ADGRV1: variants seen among roughly 807,000 people sequenced by gnomAD.
ADGRV1 encodes the protein G-protein coupled receptor 98.
ADGRV1 carries 359 observed loss-of-function variants against 596.2 expected under a neutral mutation model. The observed-to-expected ratio is 0.60, with a 90% CI of 0.55 to 0.66. The LOEUF (loss-of-function observed/expected upper bound fraction) is 0.66. Among genes scored for constraint, ADGRV1 ranks in the 30% least tolerant of loss-of-function variants. The pLI, the probability that ADGRV1 is intolerant of heterozygous loss-of-function variation, is 0.00. For missense variants in ADGRV1, 7,274 were observed against 7,575.6 expected, an observed-to-expected ratio of 0.96 and a Z score of 1.48; for synonymous variants, 2,681 against 2,679.2, an observed-to-expected ratio of 1.00 and a Z score of -0.02.
chr5:91,122,990 A>G (rs774971486), intron 87 of ADGRV1, among the ~76,000 whole-genome samples: 1 of 152,100 alleles, frequency 6.6e-6, no homozygotes, highest in African/African-American at 2.4e-5. Flanking sequence ...ACAAAAATCA[A>G]TTTCCCCTGG....
In ADGRV1 at chr5:90,810,782, C is replaced by T. The variant is rs774038626; in HGVS notation, c.15522C>T (p.Asn5174=). The stretch of plus-strand genomic sequence containing the variant: ...CGACTACCATTCTGCAGCCAACCAA[C>T]GTGGTTGCCATTGTTACTGAGGCAA... ...SKTTTILQPT[N]VVAIVTEATG... is the part of the protein sequence containing the mutation. Residue 5174 remains asparagine (N), a synonymous_variant, in exon 74 of 90, where the codon AAC becomes AAT. Transcript: ENST00000405460. 28 of 1,613,788 alleles carry T rather than the reference C, an allele frequency of 1.7e-5. No individual in the cohort carries two copies. The highest frequency in any genetic ancestry group is 3.3e-5 in the Admixed American group (2 of 59,998).
At chr5:90,661,943 T>G (rs1386233643) in intron 21 of ADGRV1, among the ~76,000 whole-genome samples, 1 of 152,210 alleles carries the variant, frequency 6.6e-6, no homozygotes. Context: ...TGGATGACCT[T>G]GTCAGAAATA....
At chr5:90,578,750 T>A (rs1757568036) in intron 1 of ADGRV1, among the ~76,000 whole-genome samples, 1 of 152,222 alleles carries the variant, frequency 6.6e-6, no homozygotes. Context: ...CGTGGACTTT[T>A]TTGGTTGGTA....
At chr5:90,688,384 G>A (rs1745983472) in intron 29 of ADGRV1, among the ~76,000 whole-genome samples, 1 of 152,184 alleles carries the variant, frequency 6.6e-6, no homozygotes, top group Admixed American at 6.5e-5. Context: ...TTGAGATGGA[G>A]TCTTGCTCTG....
intron 1 of ADGRV1, among the ~76,000 whole-genome samples, chr5:90,559,461 T>C (rs1004916859): frequency 4.6e-5 from 7 of 152,272 alleles, no homozygotes; most frequent in African/African-American, 1.7e-4. Context: ...TATAGAATAA[T>C]ATGTATATGT....
At chr5:90,673,625 TG>T (rs1003244160) in intron 22 of ADGRV1, among the ~76,000 whole-genome samples, 11 of 152,102 alleles carry the variant, frequency 7.2e-5, no homozygotes, top group African/African-American at 2.4e-4. Flanking sequence ...TTCAAAGATA[TG>T]GTGCCTTCTC....
intron 83 of ADGRV1, among the ~76,000 whole-genome samples, chr5:90,874,465 A>G (rs1452650860): frequency 6.6e-6 from 1 of 151,894 alleles, no homozygotes; most frequent in Non-Finnish European, 1.5e-5. Flanking sequence ...TCCCCTTTCT[A>G]ATGGAATGTC....
In ADGRV1 at chr5:91,004,432, T is replaced by TA. The variant is rs34386974; in HGVS notation, c.18152+18923dup. 8.1e-3 allele frequency among the ~76,000 whole-genome samples: 1,184 copies of TA among 145,582 alleles called. 7 individuals are homozygous for TA. The highest frequency in any genetic ancestry group is 0.028 in the Middle Eastern group (8 of 282). Reference sequence around the variant, plus strand: ...ATTAGATTCTGAATCCTCCCGGTCCTAAAAAAAAAAAAATTTCGTAAAATA... The same window carrying TA: ...ATTAGATTCTGAATCCTCCCGGTCCTAAAAAAAAAAAAAATTTCGTAAAATA... On this transcript the variant is annotated intron_variant, in intron 85 of 89. Coordinates refer to ENST00000405460, the MANE Select transcript of ADGRV1 (RefSeq NM_032119.4).
intron 44 of ADGRV1, among the ~76,000 whole-genome samples, 169 bp from the exon 45 acceptor site, chr5:90,720,766 T>A (rs1750808093): frequency 1.3e-5 from 2 of 152,224 alleles, no homozygotes; most frequent in African/African-American, 4.8e-5. Context: ...TTTCAGAATA[T>A]AGAGTGCAAA....
At chr5:90,919,478 A>G (rs1172679517) in intron 83 of ADGRV1, among the ~76,000 whole-genome samples, 1 of 152,206 alleles carries the variant, frequency 6.6e-6, no homozygotes, top group Non-Finnish European at 1.5e-5. Flanking sequence ...TGGGTCTTAT[A>G]GTGATTATGA....
chr5:91,123,169 G>C (rs1331196347), intron 87 of ADGRV1, among the ~76,000 whole-genome samples: 4 of 151,180 alleles, frequency 2.6e-5, no homozygotes, highest in African/African-American at 9.7e-5. Flanking sequence ...TCACAGGGTT[G>C]TTGGGAGACT....
intron 86 of ADGRV1, among the ~76,000 whole-genome samples, chr5:91,086,518 C>A (rs549544683): frequency 6.6e-6 from 1 of 152,140 alleles, no homozygotes; most frequent in African/African-American, 2.4e-5. Context: ...ACTAACTGAT[C>A]ATCAGAATTG....
chr5:90,769,166 A>G (rs1757435071), intron 59 of ADGRV1, among the ~76,000 whole-genome samples: 1 of 152,196 alleles, frequency 6.6e-6, no homozygotes, highest in Admixed American at 6.5e-5. Context: ...CTTAGTGAAC[A>G]TCAGAGCATC....
chr5:91,073,813 T>C (rs1788602926), intron 86 of ADGRV1, among the ~76,000 whole-genome samples: 1 of 152,214 alleles, frequency 6.6e-6, no homozygotes, highest in South Asian at 2.1e-4. Context: ...TTCTCCTTCC[T>C]CAGCCTCTTG....
chr5:90,972,631 A>G (rs1327776056), intron 84 of ADGRV1, among the ~76,000 whole-genome samples: 2 of 152,244 alleles, frequency 1.3e-5, no homozygotes, highest in Non-Finnish European at 2.9e-5. Context: ...GAAGGCAGAA[A>G]TAAAGATGTT....
At chr5:91,035,861 T>TATTATA in intron 85 of ADGRV1, among the ~76,000 whole-genome samples, 1 of 96,402 alleles carries the variant, frequency 1.0e-5, no homozygotes, top group African/African-American at 3.8e-5. Context: ...TATATATATA[T>TATTATA]TATATATATA....
chr5:90,656,539 G>C (rs1274714810), intron 20 of ADGRV1, among the ~76,000 whole-genome samples: 1 of 152,160 alleles, frequency 6.6e-6, no homozygotes, highest in Non-Finnish European at 1.5e-5. Flanking sequence ...TTCAATAGGA[G>C]AGACAACATA....
At chr5:91,120,859 G>T (rs538057945) in intron 87 of ADGRV1, among the ~76,000 whole-genome samples, 1 of 152,154 alleles carries the variant, frequency 6.6e-6, no homozygotes, top group Non-Finnish European at 1.5e-5. Context: ...GAGATGCTGT[G>T]GGAGACAGAA....
At chr5:91,076,331 ACTTAT>A (rs1788853182) in intron 86 of ADGRV1, among the ~76,000 whole-genome samples, 1 of 152,014 alleles carries the variant, frequency 6.6e-6, no homozygotes, top group Admixed American at 6.6e-5. Flanking sequence ...TCATTGTAGC[ACTTAT>A]CTTAGAATGG....
Sources: gnomAD v4.1 joint callset for allele counts (sites outside exome capture counted in the v4.1 genomes callset) on GRCh38, gnomAD v4.1.1 for gene constraint, MANE v1.5 for transcripts, NCBI Gene and HGNC (gene_info 2026-07-23, HGNC 2026-07-21) for gene names.